Variants in CEP350 observed in about 807,000 individuals in gnomAD.
CEP350 encodes the protein centrosomal protein 350.
A neutral mutation model predicts 331.8 loss-of-function variants in CEP350; 126 were observed. The observed-to-expected ratio is 0.38, with a 90% CI of 0.33 to 0.44. The LOEUF is 0.44. CEP350 is among the 20% of genes least tolerant of loss of function. CEP350 has a pLI of 1.00. For missense variants in CEP350, 3,406 were observed against 3,634.6 expected (o/e 0.94, Z 1.62); for synonymous variants, 1,200 against 1,259.5 (o/e 0.95, Z 1.00).
chr1:180,036,908 C>T lies in CEP350; in HGVS notation c.3947-18C>T. 6.7e-7 allele frequency: 1 copy of T among 1,493,642 alleles called. No individual in the cohort carries two copies. The highest frequency in any genetic ancestry group is 1.4e-5 in the South Asian group (1 of 72,540). The allele number at this position is 1,493,642 out of a possible 1,614,324, so 92.5% of individuals were successfully genotyped here. A position where few individuals can be genotyped will look rare whatever the true frequency, so the allele number is the denominator to read the frequency against. On this transcript the variant is annotated intron_variant, in intron 16 of 37. Transcript: ENST00000367607. ...TTTCATGTTAACTTTTCCATTTGAC[C>T]ATTGTCATGCCTTCCAGGTTCTAAG...
chr1:179,992,853 T>C (rs930358302), intron 5 of CEP350, among the ~76,000 whole-genome samples: 12 of 152,210 alleles, frequency 7.9e-5, no homozygotes, highest in African/African-American at 2.9e-4. Context: ...TTTCAGTGCA[T>C]TCATGCTCTT....
At chr1:180,004,864 A>AGGCTGGCTGGCTGGCT (rs1203657009) in intron 7 of CEP350, among the ~76,000 whole-genome samples, 2 of 143,722 alleles carry the variant, frequency 1.4e-5, no homozygotes, top group African/African-American at 5.4e-5. Context: ...TTGGGCAGGC[A>AGGCTGGCTGGCTGGCT]GGCTGGCTGG....
intron 27 of CEP350, among the ~76,000 whole-genome samples, chr1:180,070,526 A>T (rs1260917606): frequency 1.3e-5 from 2 of 152,148 alleles, no homozygotes; most frequent in East Asian, 3.9e-4. Context: ...GGAAGCCATA[A>T]AATAAAGTCC....
In CEP350 at chr1:180,012,051, G is replaced by A. The variant is rs1248593720; in HGVS notation, c.1369G>A (p.Gly457Arg). 2.6e-6 allele frequency: 4 copies of A among 1,563,742 alleles called. No individual in the cohort carries two copies. In the African/African-American group the frequency reaches 4.1e-5, roughly 16 times the overall value. ...EQRTASSDRG[G>R]RERTAKSGGH... Reference sequence around the variant, plus strand: ...AAGAACAGCATCAAGTGACAGAGGTGGAAGAGAAAGAACTGCTAAATCTGG... The same window carrying A: ...AAGAACAGCATCAAGTGACAGAGGTAGAAGAGAAAGAACTGCTAAATCTGG... The change falls in exon 9 of 38, where the codon GGA (glycine) becomes AGA (arginine). Residue 457 changes from glycine to arginine, a missense_variant. By Grantham distance (125) the Gly-to-Arg change is moderately radical (BLOSUM62 -2). Transcript: ENST00000367607.
At chr1:179,984,981 C>CT (rs369521469) in intron 1 of CEP350, among the ~76,000 whole-genome samples, 51 of 151,954 alleles carry the variant, frequency 3.4e-4, no homozygotes, top group Middle Eastern at 3.2e-3. Flanking sequence ...TTTTTCCTTT[C>CT]TTTTTTTATT....
Position 180,095,706 on chromosome 1 carries a change from A to G in CEP350, c.8695A>G (p.Met2899Val). Residue 2899 changes from methionine to valine, a missense_variant, in exon 35 of 38, where the codon ATG becomes GTG. Met to Val is a conservative substitution (Grantham distance 21). Coordinates refer to ENST00000367607, the MANE Select transcript of CEP350 (RefSeq NM_014810.5). ...GGCAGAAGAAACCATTGTACCTCTA[A>G]TGGCAGAACCTAAAAGAGTAACCCA... Reference protein sequence around the residue: ...NKAEETIVPLMAEPKRVTQQP... With the variant: ...NKAEETIVPLVAEPKRVTQQP... 2 of 1,614,026 alleles carry G rather than the reference A, an allele frequency of 1.2e-6. No homozygotes were observed. The highest frequency in any genetic ancestry group is 2.2e-5 in the South Asian group (2 of 91,088).
chr1:180,082,055 A>G (rs980826925), intron 30 of CEP350, among the ~76,000 whole-genome samples: 2 of 152,232 alleles, frequency 1.3e-5, no homozygotes, highest in East Asian at 1.9e-4. Context: ...CTTATCCTGG[A>G]TCTCTTACTT....
intron 1 of CEP350, chr1:179,969,069 C>A: frequency 1.4e-6 from 1 of 709,068 alleles, no homozygotes; most frequent in Non-Finnish European, 2.6e-6. Context: ...CCTACCATTG[C>A]TCTGTGTAAC....
At position 180,092,638 on chromosome 1, in the gene CEP350, G is replaced by C; in HGVS notation, c.6533G>C (p.Arg2178Thr). Reference sequence around the variant, plus strand: ...GATGCTTCACTGTCTGGTTCTGAGAGATCAGTATCAGAAAGGTCTTTATCT... The same window carrying C: ...GATGCTTCACTGTCTGGTTCTGAGACATCAGTATCAGAAAGGTCTTTATCT... Reference protein sequence around the residue: ...HVDASLSGSERSVSERSLSAY... With the variant: ...HVDASLSGSETSVSERSLSAY... Residue 2178 changes from arginine (R) to threonine (T), a missense_variant, in exon 34 of 38, where the codon AGA becomes ACA. Coordinates refer to ENST00000367607, the MANE Select transcript of CEP350 (RefSeq NM_014810.5). 6.3e-7 allele frequency: 1 copy of C among 1,590,202 alleles called. No individual in the cohort carries two copies. Among genetic ancestry groups the C allele is most frequent in the African/African-American group, 1.4e-5 (1 of 73,916 alleles).
At chr1:180,086,645 G>C (rs1022357650) in intron 31 of CEP350, among the ~76,000 whole-genome samples, 4 of 151,930 alleles carry the variant, frequency 2.6e-5, no homozygotes, top group African/African-American at 7.3e-5. Context: ...TATATGTATA[G>C]CTTTCAGATC....
intron 1 of CEP350, among the ~76,000 whole-genome samples, chr1:179,978,202 G>GT (rs1334934938): frequency 2.0e-5 from 3 of 151,958 alleles, no homozygotes; most frequent in Non-Finnish European, 4.4e-5. Context: ...GTAGAATGTT[G>GT]TGACAAGCTT....
chr1:180,047,757 C>CAAAAAAAAAAAAAAAA, intron 21 of CEP350, among the ~76,000 whole-genome samples: 1 of 74,044 alleles, frequency 1.4e-5, no homozygotes, highest in Non-Finnish European at 2.4e-5. Context: ...TGAAACTCCT[C>CAAAAAAAAAAAAAAAA]AAAAAAAAAA....
In CEP350 at chr1:179,996,756, G is replaced by A. The variant is rs1188061105; in HGVS notation, c.599G>A (p.Arg200Gln). ...NDTVVRFLND[R>Q]PAIDALQNSE... Reference sequence around the variant, plus strand: ...ACAGTTGTTAGGTTTTTAAATGATCGACCAGCAATTGATGCATTGCAAAAT... The same window carrying A: ...ACAGTTGTTAGGTTTTTAAATGATCAACCAGCAATTGATGCATTGCAAAAT... The change falls in exon 6 of 38, where the codon CGA (arginine) becomes CAA (glutamine). Residue 200 changes from arginine to glutamine, a missense_variant. Transcript: ENST00000367607. 4 of 1,613,210 alleles carry A rather than the reference G, an allele frequency of 2.5e-6. No homozygotes were observed. The highest frequency in any genetic ancestry group is 2.2e-5 in the South Asian group (2 of 90,926).
chr1:180,103,472 T>G (rs2149177199), intron 37 of CEP350, among the ~76,000 whole-genome samples: 1 of 152,336 alleles, frequency 6.6e-6, no homozygotes, highest in East Asian at 1.9e-4. Flanking sequence ...TTAAGTAATT[T>G]CTTTTTTAAC....
Position 180,020,421 on chromosome 1 carries a change from GATGATA to G in CEP350, c.2652_2657del (p.Asp884_Asn885del). The G allele has an allele frequency of 1.9e-6, 3 of 1,613,918 alleles. No individual in the cohort carries two copies. The highest frequency in any genetic ancestry group is 2.2e-5 in the South Asian group (2 of 91,086). On this transcript the variant is annotated inframe_deletion, in exon 12 of 38. Coordinates refer to ENST00000367607, the MANE Select transcript of CEP350 (RefSeq NM_014810.5). ...CAAGGCTGTAACTCCACCTGTGAAA[GATGATA>G]ATGAAGATGTTTTCTCTGCCAGAAT...
chr1:179,974,184 A>C (rs771598073), intron 1 of CEP350, among the ~76,000 whole-genome samples: 1 of 151,794 alleles, frequency 6.6e-6, no homozygotes, highest in African/African-American at 2.4e-5. Flanking sequence ...GGTTCATGCC[A>C]TTCTCCTGCC....
intron 9 of CEP350, among the ~76,000 whole-genome samples, chr1:180,013,517 A>G (rs1449524812): frequency 2.6e-5 from 4 of 152,190 alleles, no homozygotes; most frequent in African/African-American, 9.6e-5. Context: ...AGAGAGAAAT[A>G]GTAACACTAA....
chr1:179,970,039 G>A (rs2477118), intron 1 of CEP350, among the ~76,000 whole-genome samples: 86,062 of 151,958 alleles, frequency 0.57, 26,275 homozygotes, highest in East Asian at 0.71. Context: ...AAAAGTGTAG[G>A]CCTATTTTTA....
Position 180,087,708 on chromosome 1 carries a change from C to A in CEP350, c.6416C>A (p.Pro2139Gln). ...SEKPKIKPLT[P>Q]LHRSETAKNW... ...AAACCCAAGATCAAACCCCTCACAC[C>A]ACTACACAGGTAGAAATTTTTGATA... Residue 2139 changes from proline to glutamine, a missense_variant, in exon 32 of 38, where the codon CCA becomes CAA. Physicochemically the swap from Pro to Gln is moderately conservative, Grantham distance 76 (BLOSUM62 -1). Around this residue, in one of 5 missense-constraint regions of CEP350, gnomAD observed 1,415 missense variants for 1,512.3 expected, o/e 0.94. Transcript: ENST00000367607. The A allele has an allele frequency of 6.5e-7, 1 of 1,541,118 alleles. No homozygotes were observed. The highest frequency in any genetic ancestry group is 8.7e-7 in the Non-Finnish European group (1 of 1,144,090).
Sources: allele counts gnomAD v4.1 joint callset (sites outside exome capture counted in the v4.1 genomes callset), GRCh38; gene constraint gnomAD v4.1.1; regional missense constraint gnomAD v4.1.1; transcripts MANE v1.5; gene names NCBI Gene and HGNC (gene_info 2026-07-23, HGNC 2026-07-21).